The following CACNA1D variants were observed in gnomAD, a reference collection of about 807,000 sequenced individuals.
CACNA1D encodes the protein voltage-dependent L-type calcium channel subunit alpha-1D.
A neutral mutation model predicts 257.1 loss-of-function variants in CACNA1D; 55 were observed. That is an observed-to-expected ratio of 0.21 (90% CI 0.17 to 0.27). The LOEUF (loss-of-function observed/expected upper bound fraction) is 0.27, where lower values mean the gene tolerates loss of function less well. CACNA1D is among the 10% of genes least tolerant of loss of function. The pLI is 1.00. For missense variants in CACNA1D, 1,876 were observed against 2,784.0 expected, an observed-to-expected ratio of 0.67 and a Z score of 7.34; for synonymous variants, 980 against 1,014.9, an observed-to-expected ratio of 0.97 and a Z score of 0.65.
At chr3:53,665,969 C>T (rs2094257626) in intron 6 of CACNA1D, among the ~76,000 whole-genome samples, 157 bp downstream of exon 6, 1 of 152,110 alleles carries the variant, frequency 6.6e-6, no homozygotes, top group Non-Finnish European at 1.5e-5. Flanking sequence ...GAGCTATGTT[C>T]AGAATAGATG....
intron 9 of CACNA1D, among the ~76,000 whole-genome samples, chr3:53,709,549 G>T (rs575617362): frequency 3.3e-4 from 51 of 152,348 alleles, no homozygotes; most frequent in African/African-American, 1.2e-3. Context: ...TACCCATAGT[G>T]TGCAGGTGTC....
intron 10 of CACNA1D, among the ~76,000 whole-genome samples, chr3:53,718,949 T>C (rs1302982359): frequency 6.6e-6 from 1 of 151,844 alleles, no homozygotes; most frequent in Non-Finnish European, 1.5e-5. Context: ...TGCACCAGCC[T>C]CTCCTCATGA....
intron 3 of CACNA1D, among the ~76,000 whole-genome samples, chr3:53,591,636 A>C (rs1444316859): frequency 6.6e-6 from 1 of 152,144 alleles, no homozygotes; most frequent in African/African-American, 2.4e-5. Flanking sequence ...CTCTCTGTCC[A>C]CTCAATGCTG....
At chr3:53,649,196 G>A (rs1351297860) in intron 3 of CACNA1D, among the ~76,000 whole-genome samples, 2 of 152,192 alleles carry the variant, frequency 1.3e-5, no homozygotes, top group African/African-American at 4.8e-5. Flanking sequence ...TGGGGATACT[G>A]CAAGCAAACA....
At chr3:53,706,672 C>T (rs2633730) in intron 9 of CACNA1D, among the ~76,000 whole-genome samples, 76,610 of 151,882 alleles carry the variant, frequency 0.5, 19,671 homozygotes, top group African/African-American at 0.6. Flanking sequence ...GTGACATGGA[C>T]ATATTACATA....
At chr3:53,631,061 G>A (rs979394030) in intron 3 of CACNA1D, among the ~76,000 whole-genome samples, 5 of 152,314 alleles carry the variant, frequency 3.3e-5, no homozygotes, top group African/African-American at 1.2e-4. Context: ...GCTGCTGACC[G>A]ATCACAGTAG....
intron 3 of CACNA1D, among the ~76,000 whole-genome samples, chr3:53,627,163 C>A (rs998654668): frequency 6.6e-6 from 1 of 152,220 alleles, no homozygotes; most frequent in African/African-American, 2.4e-5. Flanking sequence ...GACCTCTCCA[C>A]CTCACAGGTC....
At position 53,811,465 on chromosome 3, in the gene CACNA1D, A is replaced by G. The variant is rs2095600788; in HGVS notation, c.*59A>G. 1.4e-6 allele frequency: 2 copies of G among 1,414,730 alleles called. No individual in the cohort carries two copies. Among genetic ancestry groups the G allele is most frequent in the Non-Finnish European group, 1.9e-6 (2 of 1,056,368 alleles). 87.6% of individuals were successfully genotyped at this position (1,414,730 alleles called of 1,614,324 possible). A position where few individuals can be genotyped will look rare whatever the true frequency, so the allele number is the denominator to read the frequency against. On this transcript the variant is annotated 3_prime_UTR_variant, in exon 48 of 48. Coordinates refer to ENST00000350061, the MANE Select transcript of CACNA1D (RefSeq NM_001128840.3). The surrounding 1 kb of genome is among the most constrained non-coding windows in gnomAD (Gnocchi z 4.2). ...GGTGGGGCGCAGGAGAGCCAGGGGAAAAGTGCCTCATAGTTAGGAAAGTTT... is the reference window on the plus strand; with the variant it reads ...GGTGGGGCGCAGGAGAGCCAGGGGAGAAGTGCCTCATAGTTAGGAAAGTTT...
rs549753923 is a variant in CACNA1D, at chr3:53,761,208, A to AG, written c.3787-789dup. 1.8e-3 allele frequency among the ~76,000 whole-genome samples: 271 copies of AG among 152,332 alleles called. 1 individual carries two copies. Among genetic ancestry groups the AG allele is most frequent in the African/African-American group, 6.3e-3 (263 of 41,578 alleles). ...CTAGAGGGTGAAAAGTGGGAGGGAA[A>AG]GAAAGCAAAAGCTGAGATGGAAGAA... On this transcript the variant is annotated intron_variant, in intron 29 of 47. Transcript: ENST00000350061.
chr3:53,560,371 G>T (rs1479893578), intron 3 of CACNA1D, among the ~76,000 whole-genome samples: 1 of 152,128 alleles, frequency 6.6e-6, no homozygotes, highest in South Asian at 2.1e-4. Flanking sequence ...CATCTTGCCT[G>T]GAACTGGAGC....
chr3:53,775,992 A>T lies in CACNA1D; in HGVS notation c.4309A>T (p.Ser1437Cys). 1 of 1,614,122 alleles carries T rather than the reference A, an allele frequency of 6.2e-7. No individual in the cohort carries two copies. Among genetic ancestry groups the T allele is most frequent in the Non-Finnish European group, 8.5e-7 (1 of 1,179,980 alleles). ...CCCCGGGGAGGAGTATACATGTGGG[A>T]GCAACTTTGCCATTGTCTATTTCAT... ...YNPGEEYTCG[S>C]NFAIVYFISF... is the part of the protein sequence containing the mutation. The change falls in exon 35 of 48, where the codon AGC becomes TGC. Residue 1437 changes from serine (S) to cysteine (C), a missense_variant. Ser to Cys is a moderately radical substitution (Grantham distance 112, BLOSUM62 -1). Transcript: ENST00000350061.
At chr3:53,604,576 C>A (rs1184171782) in intron 3 of CACNA1D, among the ~76,000 whole-genome samples, 5 of 149,150 alleles carry the variant, frequency 3.4e-5, no homozygotes, top group African/African-American at 1.2e-4. Flanking sequence ...GGACCAACAT[C>A]TAGCAGCTGG....
chr3:53,701,510 A>G (rs543229696), intron 8 of CACNA1D, among the ~76,000 whole-genome samples: 2 of 152,278 alleles, frequency 1.3e-5, no homozygotes, highest in Admixed American at 6.5e-5. Context: ...TGGCTTATCG[A>G]GGTAGGACCC....
intron 25 of CACNA1D, among the ~76,000 whole-genome samples, chr3:53,746,114 C>G (rs2095166671): frequency 6.6e-6 from 1 of 152,116 alleles, no homozygotes. Context: ...CAACCAACAT[C>G]TCTATCTAGT....
chr3:53,530,973 G>T (rs902736076), intron 3 of CACNA1D, among the ~76,000 whole-genome samples: 1 of 151,068 alleles, frequency 6.6e-6, no homozygotes, highest in African/African-American at 2.4e-5. Context: ...TCAGCCTCCC[G>T]AGTAGCTGGG....
intron 14 of CACNA1D, among the ~76,000 whole-genome samples, chr3:53,725,171 A>G (rs1345771650): frequency 6.6e-6 from 1 of 152,210 alleles, no homozygotes; most frequent in African/African-American, 2.4e-5. Context: ...CAACTCAGTT[A>G]AGCTACCTAT....
intron 9 of CACNA1D, among the ~76,000 whole-genome samples, chr3:53,715,971 G>A (rs2094814233): frequency 6.6e-6 from 1 of 152,124 alleles, no homozygotes. Context: ...TAGAAAATAT[G>A]TAATTTATCT....
chr3:53,521,836 G>T (rs2107352958), intron 3 of CACNA1D, among the ~76,000 whole-genome samples: 1 of 152,076 alleles, frequency 6.6e-6, no homozygotes, highest in South Asian at 2.1e-4. Context: ...CAGTCATAAA[G>T]CTGTATTTTG....
At chr3:53,522,092 TGCCACTGCACTCTA>T (rs2091601202) in intron 3 of CACNA1D, among the ~76,000 whole-genome samples, 1 of 152,130 alleles carries the variant, frequency 6.6e-6, no homozygotes, top group Non-Finnish European at 1.5e-5. Flanking sequence ...TTTGTGATCA[TGCCACTGCACTCTA>T]GCCTGAGTGA....
Sources: gnomAD v4.1 joint callset for allele counts (sites outside exome capture counted in the v4.1 genomes callset) on GRCh38, gnomAD v4.1.1 for gene constraint, Gnocchi (gnomAD v3.1) non-coding constraint, MANE v1.5 for transcripts, NCBI Gene and HGNC (gene_info 2026-07-23, HGNC 2026-07-21) for gene names.